FERMT2: variants seen among roughly 807,000 people sequenced by gnomAD.
The protein encoded by FERMT2 is fermitin family homolog 2.
Under a neutral mutation model 82.7 loss-of-function variants are expected in FERMT2, and 15 were observed. That is an observed-to-expected ratio of 0.18 (90% CI 0.12 to 0.28). The LOEUF (loss-of-function observed/expected upper bound fraction) is 0.28, where lower values mean the gene tolerates loss of function less well. FERMT2 is among the 10% of genes least tolerant of loss of function. FERMT2 has a pLI of 1.00. For synonymous variants in FERMT2, 274 were observed against 271.5 expected, an observed-to-expected ratio of 1.01 and a Z score of -0.09; for missense variants, 645 against 809.4, an observed-to-expected ratio of 0.80 and a Z score of 2.46.
intron 3 of FERMT2, among the ~76,000 whole-genome samples, chr14:52,912,278 G>T (rs1213237628): frequency 6.6e-6 from 1 of 152,120 alleles, no homozygotes; most frequent in Non-Finnish European, 1.5e-5. Flanking sequence ...AAGTGCCTTA[G>T]TTCTTGGAGT....
chr14:52,902,868 C>CAAAAAAAAAAAAAAAAAAAA (rs1252336097), intron 3 of FERMT2, among the ~76,000 whole-genome samples: 3 of 5,542 alleles, frequency 5.4e-4, no homozygotes, highest in East Asian at 4.9e-3. Context: ...GACTCCGTCT[C>CAAAAAAAAAAAAAAAAAAAA]AAAAAAAAAA....
chr14:52,930,204 T>G (rs2139671265), intron 2 of FERMT2, among the ~76,000 whole-genome samples: 1 of 152,182 alleles, frequency 6.6e-6, no homozygotes, highest in African/African-American at 2.4e-5. Flanking sequence ...AAAAAGGAAA[T>G]AAAACTGAAC....
intron 13 of FERMT2, 68 bp downstream of exon 13, chr14:52,860,272 TA>T: frequency 7.1e-7 from 1 of 1,408,002 alleles, no homozygotes; most frequent in Non-Finnish European, 9.9e-7. Flanking sequence ...GTTTAATATC[TA>T]ATTACATGAG....
At chr14:52,860,144 C>T in intron 13 of FERMT2, 197 bp downstream of exon 13, 1 of 541,502 alleles carries the variant, frequency 1.8e-6, no homozygotes, top group Non-Finnish European at 3.1e-6. Context: ...AGTAGTAAAA[C>T]AAACACAATT....
intron 3 of FERMT2, among the ~76,000 whole-genome samples, chr14:52,918,319 T>C (rs754079986): frequency 1.3e-5 from 2 of 152,174 alleles, no homozygotes; most frequent in South Asian, 2.1e-4. Flanking sequence ...AATAAATGCA[T>C]AGAAAATCAC....
In FERMT2 at chr14:52,925,471, A is replaced by C. The variant is rs1889203135; in HGVS notation, c.158-6115T>G. 6.0e-5 allele frequency among the ~76,000 whole-genome samples: 9 copies of C among 149,252 alleles called. No homozygotes were observed. In the South Asian group the frequency reaches 2.0e-3, roughly 33 times the overall value. ...TACTTGGGAAGGCTGAGGCAGGAGA[A>C]TGGCTTGCACCCAGGAGGCAGAGGT... On this transcript the variant is annotated intron_variant, in intron 2 of 14. Transcript: ENST00000341590.
chr14:52,886,097 A>C (rs1320380149), intron 4 of FERMT2, among the ~76,000 whole-genome samples: 1 of 152,204 alleles, frequency 6.6e-6, no homozygotes, highest in East Asian at 1.9e-4. Context: ...ATGGCTAATA[A>C]ACATATAAAT....
intron 2 of FERMT2, among the ~76,000 whole-genome samples, chr14:52,935,254 T>C (rs1889782412): frequency 6.6e-6 from 1 of 152,206 alleles, no homozygotes; most frequent in Admixed American, 6.5e-5. Flanking sequence ...TCATTCAAAC[T>C]GCAAACATAT....
intron 4 of FERMT2, among the ~76,000 whole-genome samples, chr14:52,887,138 CTTTT>C (rs879787163): frequency 7.0e-6 from 1 of 141,908 alleles, no homozygotes. Context: ...GATCCCAGCA[CTTTT>C]TTTTTTTTTT....
chr14:52,882,789 A>AGCAAAG (rs11281674), intron 4 of FERMT2, among the ~76,000 whole-genome samples: 122,575 of 151,202 alleles, frequency 0.81, 50,952 homozygotes, highest in Non-Finnish European at 0.9. Context: ...TAGTCTAGGA[A>AGCAAAG]GCAAAGTTAA....
At position 52,945,682 on chromosome 14, in the gene FERMT2, CAT is replaced by C. The variant is rs560264508; in HGVS notation, c.157+4728_157+4729del. Among the ~76,000 whole-genome samples, 37 of 152,302 alleles carry C rather than the reference CAT, an allele frequency of 2.4e-4. No homozygotes were observed. The East Asian group carries it at 5.8e-3, about 24-fold the overall frequency. On this transcript the variant is annotated intron_variant, in intron 2 of 14. Transcript: ENST00000341590. ...ACCCAACTTCTACATTCTCTCTACT[CAT>C]AGAATCAGAGCTAGAGGAAACTTAG... is the stretch of plus-strand genomic sequence containing the variant.
chr14:52,904,716 A>C (rs893041595), intron 3 of FERMT2, among the ~76,000 whole-genome samples: 3 of 150,942 alleles, frequency 2.0e-5, no homozygotes, highest in East Asian at 2.0e-4. Flanking sequence ...ACAAACAAAC[A>C]AACCAGCCTG....
chr14:52,880,773 T>TA (rs1459232564), intron 6 of FERMT2, among the ~76,000 whole-genome samples: 5 of 150,868 alleles, frequency 3.3e-5, no homozygotes, highest in Non-Finnish European at 7.4e-5. Context: ...GCTTAGAGAT[T>TA]AAAAAAAAGA....
chr14:52,907,968 T>C (rs1169235965), intron 3 of FERMT2, among the ~76,000 whole-genome samples: 1 of 152,198 alleles, frequency 6.6e-6, no homozygotes, highest in Non-Finnish European at 1.5e-5. Flanking sequence ...AAAATGTCCA[T>C]ATCTGGGATA....
chr14:52,895,657 C>G (rs1271707305), intron 3 of FERMT2, among the ~76,000 whole-genome samples: 2 of 152,130 alleles, frequency 1.3e-5, no homozygotes, highest in Non-Finnish European at 1.5e-5. Context: ...GATCAATTTG[C>G]TGGTAGCTGA....
intron 2 of FERMT2, among the ~76,000 whole-genome samples, chr14:52,946,649 TCAAAC>T (rs949342518): frequency 6.6e-6 from 1 of 151,972 alleles, no homozygotes; most frequent in Non-Finnish European, 1.5e-5. Context: ...AGACCTTGCC[TCAAAC>T]CAAACCAAAC....
intron 2 of FERMT2, among the ~76,000 whole-genome samples, chr14:52,942,008 CTTG>C (rs1890107979): frequency 6.6e-6 from 1 of 151,992 alleles, no homozygotes; most frequent in Admixed American, 6.6e-5. Flanking sequence ...GCTATTTTTT[CTTG>C]TTGTTTAGAG....
At chr14:52,869,705 T>C (rs995744042) in intron 10 of FERMT2, among the ~76,000 whole-genome samples, 1 of 152,240 alleles carries the variant, frequency 6.6e-6, no homozygotes. Context: ...CTTTTCATCA[T>C]TATTTTACAA....
chr14:52,924,848 A>G (rs1889161616), intron 2 of FERMT2, among the ~76,000 whole-genome samples: 4 of 152,222 alleles, frequency 2.6e-5, no homozygotes, highest in Non-Finnish European at 5.9e-5. Flanking sequence ...GAAAGCTATT[A>G]CAGCATTATT....
Sources: gnomAD v4.1 joint callset for allele counts (sites outside exome capture counted in the v4.1 genomes callset) on GRCh38, gnomAD v4.1.1 for gene constraint, MANE v1.5 for transcripts, NCBI Gene and HGNC (gene_info 2026-07-23, HGNC 2026-07-21) for gene names.